BHMT: variants seen among roughly 807,000 people sequenced by gnomAD.
BHMT encodes betaine--homocysteine S-methyltransferase, also known as betaine--homocysteine S-methyltransferase 1.
Under a neutral mutation model 49.5 loss-of-function variants are expected in BHMT, and 38 were observed. The observed-to-expected ratio is 0.77, with a 90% CI of 0.59 to 1.01. The LOEUF is 1.01. BHMT is among the 50% of genes least tolerant of loss of function. The probability of loss-of-function intolerance (pLI) is 0.00; values close to 1 mark genes in which losing one functional copy is unlikely to be tolerated. For synonymous variants in BHMT, 166 were observed against 176.3 expected (o/e 0.94, Z 0.46); for missense variants, 426 against 495.7 (o/e 0.86, Z 1.34).
intron 4 of BHMT, 46 bp downstream of exon 4, chr5:79,120,587 T>A: frequency 6.5e-7 from 1 of 1,539,306 alleles, no homozygotes; most frequent in Non-Finnish European, 8.8e-7. Context: ...ACCTAGTACA[T>A]TTTCTCTACC....
At chr5:79,112,449 T>C (rs1476186779) in intron 1 of BHMT, among the ~76,000 whole-genome samples, 1 of 151,748 alleles carries the variant, frequency 6.6e-6, no homozygotes. Context: ...CAGGGAGGAG[T>C]GCACGGCGCT....
intron 5 of BHMT, among the ~76,000 whole-genome samples, chr5:79,121,973 A>G (rs935185675): frequency 6.6e-6 from 1 of 151,482 alleles, no homozygotes; most frequent in Admixed American, 6.6e-5. Flanking sequence ...GAGTCTTGTC[A>G]CACTGCAGCC....
At chr5:79,118,748 T>G (rs1161088246) in intron 2 of BHMT, among the ~76,000 whole-genome samples, 1 of 152,214 alleles carries the variant, frequency 6.6e-6, no homozygotes, top group Non-Finnish European at 1.5e-5. Flanking sequence ...GGAATTCCCT[T>G]CCCCACCTTC....
chr5:79,123,571 GAC>G (rs1350135497), intron 5 of BHMT, among the ~76,000 whole-genome samples: 3 of 152,080 alleles, frequency 2.0e-5, no homozygotes, highest in African/African-American at 7.2e-5. Flanking sequence ...TTGGTTTTGA[GAC>G]AGAGTTTTTG....
chr5:79,125,967 A>G (rs1432620112), intron 5 of BHMT, 79 bp from the exon 6 acceptor site: 1 of 1,431,234 alleles, frequency 7.0e-7, no homozygotes, highest in African/African-American at 1.4e-5. Flanking sequence ...GAACTTCCTG[A>G]TTCCTGATGA....
intron 7 of BHMT, among the ~76,000 whole-genome samples, chr5:79,129,039 A>G (rs1486293294): frequency 6.6e-6 from 1 of 152,240 alleles, no homozygotes; most frequent in African/African-American, 2.4e-5. Flanking sequence ...TGAAGGCTCA[A>G]TAGGCTCCTA....
intron 1 of BHMT, among the ~76,000 whole-genome samples, chr5:79,113,426 A>G (rs958471065): frequency 6.6e-6 from 1 of 152,270 alleles, no homozygotes; most frequent in Non-Finnish European, 1.5e-5. Context: ...CAACAGATGA[A>G]TGTAAGATGG....
intron 6 of BHMT, 121 bp from the exon 7 acceptor site, chr5:79,127,634 A>G (rs144409935): frequency 0.011 from 14,153 of 1,333,448 alleles, 78 homozygotes; most frequent in Non-Finnish European, 0.013. Flanking sequence ...TTTTTCTTAA[A>G]TGTAAAAATT....
At chr5:79,121,509 TC>T in intron 5 of BHMT, 144 bp downstream of exon 5, 4 of 1,245,868 alleles carry the variant, frequency 3.2e-6, no homozygotes, top group Non-Finnish European at 2.1e-6. Context: ...TATTATTGAA[TC>T]CCAGAGGAAA....
rs1756448383 is a variant in BHMT, at chr5:79,120,388, A to G, written c.324A>G (p.Arg108=). ...EVNEAACDIA[R]QVADEGDALV... is the part of the protein sequence containing the mutation. The stretch of plus-strand genomic sequence containing the variant: ...ATGAAGCTGCTTGCGACATCGCCCG[A>G]CAAGTGGCTGATGAAGGAGATGCTT... The change falls in exon 4 of 8, where the codon CGA becomes CGG. Residue 108 remains arginine, a synonymous_variant. Transcript: ENST00000274353. 6.2e-7 allele frequency: 1 copy of G among 1,613,920 alleles called. No individual in the cohort carries two copies.
At chr5:79,128,297 G>A in intron 7 of BHMT, 4 of 226,410 alleles carry the variant, frequency 1.8e-5, no homozygotes, top group South Asian at 1.6e-4. Flanking sequence ...AAGGTAGGAG[G>A]ATTACTTGAT....
At chr5:79,119,225 C>A in intron 2 of BHMT, 34 bp from the exon 3 acceptor site, 1 of 1,496,478 alleles carries the variant, frequency 6.7e-7, no homozygotes, top group Non-Finnish European at 9.1e-7. Context: ...TGTTAATAAA[C>A]AGAAATTATA....
At chr5:79,122,916 G>C (rs779584839) in intron 5 of BHMT, among the ~76,000 whole-genome samples, 1 of 152,128 alleles carries the variant, frequency 6.6e-6, no homozygotes, top group Non-Finnish European at 1.5e-5. Context: ...GGACAGAAAA[G>C]GAAGTTTAAA....
chr5:79,120,538 A>T lies in BHMT; in HGVS notation c.474A>T (p.Ala158=). Reference sequence around the variant, plus strand: ...AGAAGAACGTGGACTTCTTGATTGCAGAGGTAAAGAAAGATGTGGTGAAAG... The same window carrying T: ...AGAAGAACGTGGACTTCTTGATTGCTGAGGTAAAGAAAGATGTGGTGAAAG... ...FMKKNVDFLI[A]EYFEHVEEAV... is the part of the protein sequence containing the mutation. Residue 158 remains alanine, a synonymous_variant, in exon 4 of 8, where the codon GCA becomes GCT. Transcript: ENST00000274353. 6.2e-7 allele frequency: 1 copy of T among 1,607,872 alleles called. No individual in the cohort carries two copies. The highest frequency in any genetic ancestry group is 8.5e-7 in the Non-Finnish European group (1 of 1,178,246).
intron 7 of BHMT, chr5:79,128,226 G>A (rs1756582003): frequency 3.6e-6 from 2 of 553,570 alleles, no homozygotes; most frequent in South Asian, 2.6e-5. Flanking sequence ...TTTAAAAATT[G>A]TTTTTAAATA....
intron 2 of BHMT, among the ~76,000 whole-genome samples, chr5:79,118,494 A>G (rs1010304961): frequency 6.6e-6 from 1 of 152,052 alleles, no homozygotes; most frequent in Non-Finnish European, 1.5e-5. Flanking sequence ...ACAAACAAAC[A>G]AACAAACTTT....
chr5:79,123,547 C>G (rs10071440), intron 5 of BHMT, among the ~76,000 whole-genome samples: 9 of 18,368 alleles, frequency 4.9e-4, no homozygotes, highest in Admixed American at 1.1e-3. Flanking sequence ...TTGGTTGGTT[C>G]GTTGGTTGGT....
At chr5:79,118,146 G>GA (rs1182547733) in intron 2 of BHMT, among the ~76,000 whole-genome samples, 9 of 152,104 alleles carry the variant, frequency 5.9e-5, no homozygotes, top group Admixed American at 2.0e-4. Context: ...GCTATATGGG[G>GA]AAAAAATCCC....
In BHMT at chr5:79,121,350, C is replaced by T. The variant is rs201307547; in HGVS notation, c.610C>T (p.Arg204Cys). 6.8e-6 allele frequency: 11 copies of T among 1,614,070 alleles called. No individual in the cohort carries two copies. The highest frequency in any genetic ancestry group is 3.3e-5 in the Admixed American group (2 of 60,014). ...HGVPPGECAV[R>C]LVKAGASIIG... ...CGTGCCCCCCGGCGAGTGTGCAGTG[C>T]GCCTGGTGAAAGCAGGTGATGATAG... Residue 204 changes from arginine to cysteine, a missense_variant, in exon 5 of 8, where the codon CGC becomes TGC. This residue lies in a region of BHMT where 321 missense variants were observed against 355.9 expected (regional missense o/e 0.90). Transcript: ENST00000274353.
Sources: allele counts gnomAD v4.1 joint callset (sites outside exome capture counted in the v4.1 genomes callset), GRCh38; gene constraint gnomAD v4.1.1; regional missense constraint gnomAD v4.1.1; transcripts MANE v1.5; gene names NCBI Gene and HGNC (gene_info 2026-07-23, HGNC 2026-07-21).